MRTFB: variants seen among roughly 807,000 people sequenced by gnomAD.
MRTFB encodes the protein myocardin related transcription factor B, also known as myocardin-related transcription factor B.
A neutral mutation model predicts 104.2 loss-of-function variants in MRTFB; 29 were observed. The ratio of observed to expected loss-of-function variants is 0.28; its 90% CI spans 0.21 to 0.38. MRTFB has a LOEUF of 0.38. Ranked by LOEUF, MRTFB falls within the 10% of genes least tolerant of loss-of-function variation. The pLI, the probability that MRTFB is intolerant of heterozygous loss-of-function variation, is 1.00. For synonymous variants in MRTFB, 535 were observed against 519.5 expected, an observed-to-expected ratio of 1.03 and a Z score of -0.41; for missense variants, 1,270 against 1,341.6, an observed-to-expected ratio of 0.95 and a Z score of 0.83.
chr16:14,236,175 A>G (rs578078584), intron 9 of MRTFB, among the ~76,000 whole-genome samples: 1 of 152,310 alleles, frequency 6.6e-6, no homozygotes, highest in East Asian at 1.9e-4. Context: ...TGGGTGACAG[A>G]GTGAGACCCT....
chr16:14,163,091 T>G (rs1293721015), intron 3 of MRTFB, among the ~76,000 whole-genome samples: 2 of 152,200 alleles, frequency 1.3e-5, no homozygotes, highest in Non-Finnish European at 2.9e-5. Flanking sequence ...ACCAACAATA[T>G]TACTACTGCT....
intron 3 of MRTFB, among the ~76,000 whole-genome samples, chr16:14,199,507 G>A (rs1167198014): frequency 1.3e-5 from 2 of 152,138 alleles, no homozygotes; most frequent in African/African-American, 2.4e-5. Flanking sequence ...CCAAGACTGC[G>A]CTTCCTAATA....
chr16:14,057,265 G>A, the MRTFB span, among the ~76,000 whole-genome samples: 19 of 151,770 alleles, frequency 1.3e-4, no homozygotes, highest in South Asian at 6.3e-4. Flanking sequence ...ACATATTTCC[G>A]GAAAAAAAAA....
chr16:14,098,056 A>G (rs2035490911), intron 2 of MRTFB, among the ~76,000 whole-genome samples: 1 of 152,226 alleles, frequency 6.6e-6, no homozygotes, highest in Non-Finnish European at 1.5e-5. Context: ...AATAAAATCA[A>G]TCTGAACATT....
chr16:14,133,894 A>G (rs1471800815), intron 2 of MRTFB, among the ~76,000 whole-genome samples: 1 of 152,220 alleles, frequency 6.6e-6, no homozygotes, highest in African/African-American at 2.4e-5. Flanking sequence ...GTTCAAACTG[A>G]AAAGACTTGG....
At chr16:14,029,223 T>G in the MRTFB span, among the ~76,000 whole-genome samples, 2 of 151,618 alleles carry the variant, frequency 1.3e-5, no homozygotes, top group East Asian at 3.9e-4. Context: ...CTGGGATCAC[T>G]TAAGCCCAGG....
intron 3 of MRTFB, among the ~76,000 whole-genome samples, chr16:14,206,256 G>A (rs547924492): frequency 3.3e-5 from 5 of 152,228 alleles, no homozygotes; most frequent in East Asian, 1.9e-4. Flanking sequence ...TTCCTCAGTC[G>A]TGGATAAGCA....
chr16:14,219,372 C>T (rs1298308810), intron 8 of MRTFB, among the ~76,000 whole-genome samples: 1 of 152,170 alleles, frequency 6.6e-6, no homozygotes, highest in Admixed American at 6.5e-5. Flanking sequence ...TGGAAATTTA[C>T]ATGTCTTTTA....
At chr16:14,057,723 C>T in the MRTFB span, among the ~76,000 whole-genome samples, 1 of 150,794 alleles carries the variant, frequency 6.6e-6, no homozygotes, top group Admixed American at 6.6e-5. Context: ...AGGAATGCTT[C>T]GCTGAAAACC....
the MRTFB span, among the ~76,000 whole-genome samples, chr16:14,023,178 C>T: frequency 1.3e-5 from 2 of 152,022 alleles, no homozygotes; most frequent in Non-Finnish European, 2.9e-5. Context: ...GTGGCTCACA[C>T]CTATAACCCC....
intron 8 of MRTFB, among the ~76,000 whole-genome samples, chr16:14,229,263 G>A (rs1042590549): frequency 3.3e-5 from 5 of 152,012 alleles, no homozygotes; most frequent in Admixed American, 6.6e-5. Flanking sequence ...TCAGTGCTAG[G>A]TGATACATTT....
At chr16:14,023,256 G>A in the MRTFB span, among the ~76,000 whole-genome samples, 12 of 151,802 alleles carry the variant, frequency 7.9e-5, no homozygotes, top group Non-Finnish European at 4.4e-5. Context: ...CTGGCAATAA[G>A]GCAAGACCCT....
At chr16:14,248,654 T>A (rs1217860890) in intron 12 of MRTFB, 1 of 343,022 alleles carries the variant, frequency 2.9e-6, no homozygotes, top group Non-Finnish European at 5.4e-6. Context: ...TAGGTTCTTA[T>A]TATTTCCATT....
intron 15 of MRTFB, among the ~76,000 whole-genome samples, chr16:14,256,110 C>CAAA (rs201182839): frequency 8.2e-5 from 6 of 73,450 alleles, no homozygotes; most frequent in African/African-American, 2.2e-4. Context: ...GAGACTGTCT[C>CAAA]AAAAAAAAAA....
At chr16:14,119,181 A>G (rs1445755630) in intron 2 of MRTFB, among the ~76,000 whole-genome samples, 2 of 152,244 alleles carry the variant, frequency 1.3e-5, no homozygotes, top group Non-Finnish European at 2.9e-5. Flanking sequence ...GGATTAGTAT[A>G]GTCACGTGGT....
intron 3 of MRTFB, among the ~76,000 whole-genome samples, chr16:14,196,964 C>CTTTTTTTTTTTTTTT (rs35259229): frequency 4.8e-5 from 5 of 103,188 alleles, no homozygotes; most frequent in Admixed American, 2.6e-4. Flanking sequence ...TCTCTTTTTT[C>CTTTTTTTTTTTTTTT]TTTTTTTTTT....
At position 14,265,712 on chromosome 16, in the gene MRTFB, A is replaced by G. The variant is rs1048086585; in HGVS notation, c.*4268A>G. ...TGAAATCTTTCATGGAAGGCCTACA[A>G]TTCGAAAAGCTGCACATGTTTACAG... is the stretch of plus-strand genomic sequence containing the variant. On this transcript the variant is annotated 3_prime_UTR_variant, in exon 17 of 17. Coordinates refer to ENST00000571589, the MANE Select transcript of MRTFB (RefSeq NM_001308142.2). The G allele has an allele frequency of 6.6e-6, 1 of 152,200 alleles. No homozygotes were observed. Among genetic ancestry groups the G allele is most frequent in the South Asian group, 2.1e-4 (1 of 4,826 alleles). The allele number at this position is 152,200 out of a possible 1,614,324, so 9.4% of individuals were successfully genotyped here. A position where few individuals can be genotyped will look rare whatever the true frequency, so the allele number is the denominator to read the frequency against.
intron 9 of MRTFB, among the ~76,000 whole-genome samples, chr16:14,236,763 T>C (rs949736891): frequency 3.3e-5 from 5 of 152,160 alleles, no homozygotes; most frequent in Non-Finnish European, 5.9e-5. Flanking sequence ...AAGTTAGGCT[T>C]TGTATTACTG....
At chr16:14,107,962 A>C (rs1281961267) in intron 2 of MRTFB, among the ~76,000 whole-genome samples, 1 of 152,164 alleles carries the variant, frequency 6.6e-6, no homozygotes, top group Non-Finnish European at 1.5e-5. Flanking sequence ...CTTTCGTTTC[A>C]GATATTGGCC....
Sources: gnomAD v4.1 joint callset for allele counts (sites outside exome capture counted in the v4.1 genomes callset) on GRCh38, gnomAD v4.1.1 for gene constraint, MANE v1.5 for transcripts, NCBI Gene and HGNC (gene_info 2026-07-23, HGNC 2026-07-21) for gene names.